Variants in MNDA observed in about 807,000 individuals in gnomAD.
The protein encoded by MNDA is epididymis secretory sperm binding protein.
A neutral mutation model predicts 37.8 loss-of-function variants in MNDA; 43 were observed. The observed-to-expected ratio is 1.14, with a 90% CI of 0.89 to 1.47. MNDA has a LOEUF of 1.47. Among genes scored for constraint, MNDA ranks in the 40% most tolerant of loss-of-function variants. MNDA has a pLI of 0.00. For synonymous variants in MNDA, 181 were observed against 169.0 expected (o/e 1.07, Z -0.55); for missense variants, 536 against 476.0 (o/e 1.13, Z -1.17).
At chr1:158,842,656 G>T in intron 2 of MNDA, 2 of 331,270 alleles carry the variant, frequency 6.0e-6, no homozygotes, top group East Asian at 4.9e-5. Flanking sequence ...CAAAGACAGG[G>T]ATTTATGAGA....
At chr1:158,840,008 C>T (rs1571655460) in intron 1 of MNDA, among the ~76,000 whole-genome samples, 2 of 152,158 alleles carry the variant, frequency 1.3e-5, no homozygotes, top group African/African-American at 2.4e-5. Flanking sequence ...AACTGATTCA[C>T]AGCACTTCAC....
chr1:158,834,231 AT>A (rs58502272), intron 1 of MNDA, among the ~76,000 whole-genome samples: 256 of 130,228 alleles, frequency 2.0e-3, no homozygotes, highest in African/African-American at 4.4e-3. Flanking sequence ...TCCTTTATCA[AT>A]TTTTTTTTTT....
chr1:158,843,832 G>T, intron 3 of MNDA, 123 bp from the exon 4 acceptor site: 1 of 798,026 alleles, frequency 1.3e-6, no homozygotes, highest in South Asian at 2.0e-5. Flanking sequence ...TAATTCCCTG[G>T]GGTTTCCAAG....
chr1:158,843,514 C>CA (rs1276557989), intron 3 of MNDA, 99 bp downstream of exon 3: 1 of 1,227,058 alleles, frequency 8.1e-7, no homozygotes, highest in Non-Finnish European at 1.1e-6. Context: ...TTAGATTTAC[C>CA]AAATTAGTAA....
intron 1 of MNDA, among the ~76,000 whole-genome samples, chr1:158,841,067 A>T (rs1162710220): frequency 6.6e-6 from 1 of 152,226 alleles, no homozygotes; most frequent in East Asian, 1.9e-4. Context: ...GAGTGGGACC[A>T]CAACAGCTCG....
intron 5 of MNDA, among the ~76,000 whole-genome samples, chr1:158,847,206 A>C (rs1367370683): frequency 6.6e-6 from 1 of 152,186 alleles, no homozygotes; most frequent in Non-Finnish European, 1.5e-5. Context: ...TATTGGGTAC[A>C]ATGTACACTA....
At chr1:158,835,582 A>G (rs1020583929) in intron 1 of MNDA, among the ~76,000 whole-genome samples, 1 of 99,640 alleles carries the variant, frequency 1.0e-5, no homozygotes, top group African/African-American at 4.1e-5. Context: ...TTATTTGGAT[A>G]TTTTATATTT....
In MNDA at chr1:158,848,276, A is replaced by G. The variant is rs145232441; in HGVS notation, c.1176+360A>G. The stretch of plus-strand genomic sequence containing the variant: ...AACAGTTTCATTGGTCCTCTAAAAT[A>G]ATGGAAGTCTCCACTTCATTGGGAT... On this transcript the variant is annotated intron_variant, in intron 6 of 6. Transcript: ENST00000368141. 2.0e-3 allele frequency among the ~76,000 whole-genome samples: 309 copies of G among 152,306 alleles called. 2 individuals are homozygous for G. Among genetic ancestry groups the G allele is most frequent in the African/African-American group, 6.9e-3 (286 of 41,570 alleles).
At chr1:158,843,775 T>C (rs1659077035) in intron 3 of MNDA, among the ~76,000 whole-genome samples, 180 bp from the exon 4 acceptor site, 1 of 152,192 alleles carries the variant, frequency 6.6e-6, no homozygotes, top group Non-Finnish European at 1.5e-5. Flanking sequence ...AGTGCAACAA[T>C]CTATGCCCAA....
chr1:158,835,713 G>T (rs1558054351), intron 1 of MNDA, among the ~76,000 whole-genome samples: 4 of 151,928 alleles, frequency 2.6e-5, no homozygotes, highest in East Asian at 3.9e-4. Context: ...AGGAGCAAGA[G>T]AAATGTTTTC....
chr1:158,834,241 T>A (rs1393423257), intron 1 of MNDA, among the ~76,000 whole-genome samples: 2 of 150,546 alleles, frequency 1.3e-5, no homozygotes, highest in African/African-American at 4.9e-5. Context: ...ATTTTTTTTT[T>A]TTTTTTTTTG....
chr1:158,848,344 A>T lies in MNDA; in HGVS notation c.1176+428A>T, dbSNP rs1052666668. On this transcript the variant is annotated intron_variant, in intron 6 of 6. Transcript: ENST00000368141. ...AATGTATACATATTAATTATCTCACAACCTGGCACATCATAATAAACTGAT... is the reference window on the plus strand; with the variant it reads ...AATGTATACATATTAATTATCTCACTACCTGGCACATCATAATAAACTGAT... 3.3e-5 allele frequency among the ~76,000 whole-genome samples: 5 copies of T among 152,174 alleles called. No homozygotes were observed. The East Asian group carries it at 9.6e-4, about 29-fold the overall frequency.
intron 1 of MNDA, among the ~76,000 whole-genome samples, chr1:158,840,566 T>C (rs562737432): frequency 6.6e-6 from 1 of 152,278 alleles, no homozygotes; most frequent in African/African-American, 2.4e-5. Context: ...ATGATTTTGC[T>C]ACCACACTTC....
chr1:158,849,065 TA>T (rs1298536623), intron 6 of MNDA, 124 bp from the exon 7 acceptor site: 3 of 578,046 alleles, frequency 5.2e-6, no homozygotes, highest in Admixed American at 7.6e-5. Context: ...CGAGCTTTCA[TA>T]GGGGATAAGG....
At chr1:158,843,897 C>T (rs2102050604) in intron 3 of MNDA, 58 bp from the exon 4 acceptor site, 1 of 1,453,846 alleles carries the variant, frequency 6.9e-7, no homozygotes, top group African/African-American at 1.4e-5. Context: ...AAAATGAAAA[C>T]TTGCTCTGCT....
At chr1:158,839,664 G>C (rs1658990698) in intron 1 of MNDA, among the ~76,000 whole-genome samples, 1 of 152,188 alleles carries the variant, frequency 6.6e-6, no homozygotes, top group African/African-American at 2.4e-5. Context: ...GAATTAGGAA[G>C]TTTCCTCCTG....
intron 5 of MNDA, among the ~76,000 whole-genome samples, chr1:158,846,785 T>G (rs906069024): frequency 3.3e-5 from 5 of 152,212 alleles, no homozygotes; most frequent in African/African-American, 1.2e-4. Flanking sequence ...TTTATAACCC[T>G]ACATACATGT....
Position 158,842,220 on chromosome 1 carries a change from A to C in MNDA, c.67A>C (p.Thr23Pro). ...TGAGCTCATGGATGATTATCATTTTACATCAATTAAGTCCTTACTGGCCTA... is the reference window on the plus strand; with the variant it reads ...TGAGCTCATGGATGATTATCATTTTCCATCAATTAAGTCCTTACTGGCCTA... Reference protein sequence around the residue: ...GFELMDDYHFTSIKSLLAYDL... With the variant: ...GFELMDDYHFPSIKSLLAYDL... The change falls in exon 2 of 7, where the codon ACA becomes CCA. Residue 23 changes from threonine (T) to proline (P), a missense_variant. By Grantham distance (38) the Thr-to-Pro change is conservative (BLOSUM62 -1). Transcript: ENST00000368141. 1 of 1,613,940 alleles carries C rather than the reference A, an allele frequency of 6.2e-7. No homozygotes were observed. Among genetic ancestry groups the C allele is most frequent in the Non-Finnish European group, 8.5e-7 (1 of 1,179,834 alleles).
At chr1:158,844,157 T>C in intron 4 of MNDA, 35 bp downstream of exon 4, 1 of 1,484,206 alleles carries the variant, frequency 6.7e-7, no homozygotes, top group Non-Finnish European at 9.0e-7. Context: ...CCATTTTTTT[T>C]TAACCCAGTC....
Sources: gnomAD v4.1 joint callset for allele counts (sites outside exome capture counted in the v4.1 genomes callset) on GRCh38, gnomAD v4.1.1 for gene constraint, MANE v1.5 for transcripts, NCBI Gene and HGNC (gene_info 2026-07-23, HGNC 2026-07-21) for gene names.